PCDHGA3: variants seen among roughly 807,000 people sequenced by gnomAD.
PCDHGA3 encodes the protein protocadherin gamma subfamily A, 3.
Under a neutral mutation model 58.5 loss-of-function variants are expected in PCDHGA3, and 40 were observed. The ratio of observed to expected loss-of-function variants is 0.68; its 90% confidence interval spans 0.53 to 0.89. PCDHGA3 has a LOEUF of 0.89. Ranked by LOEUF, PCDHGA3 falls within the 40% of genes least tolerant of loss-of-function variation. PCDHGA3 has a pLI of 0.00. For missense variants in PCDHGA3, 1,223 were observed against 1,195.9 expected, an observed-to-expected ratio of 1.02 and a Z score of -0.33; for synonymous variants, 530 against 525.7, an observed-to-expected ratio of 1.01 and a Z score of -0.11.
At chr5:141,410,418 T>C (rs2095390746) in intron 1 of PCDHGA3, 26 of 1,614,052 alleles carry the variant, frequency 1.6e-5, no homozygotes, top group Non-Finnish European at 2.2e-5. Context: ...GGACCTGTAG[T>C]TCCCCCCAAC....
chr5:141,430,583 C>A, intron 1 of PCDHGA3: 1 of 490,378 alleles, frequency 2.0e-6, no homozygotes, highest in Non-Finnish European at 3.4e-6. Flanking sequence ...AGATCCTGCT[C>A]GCCTTGCACG....
rs915039012 is a variant in PCDHGA3 at position 141,372,538 on chromosome 5, T to A, written c.2424+26081T>A. The stretch of plus-strand genomic sequence containing the variant: ...GTGATTCTGGCAATCTCCCTGCGCC[T>A]GCGATGCTCCTCCAGACCCGCCACT... On this transcript the variant is annotated intron_variant, in intron 1 of 3. Coordinates refer to ENST00000253812, the MANE Select transcript of PCDHGA3 (RefSeq NM_018916.4). The A allele has an allele frequency of 1.9e-6, 3 of 1,613,928 alleles. No homozygotes were observed. The African/African-American group carries it at 4.0e-5, about 22-fold the overall frequency.
At chr5:141,419,182 C>T in intron 1 of PCDHGA3, 2 of 1,613,986 alleles carry the variant, frequency 1.2e-6, no homozygotes, top group Non-Finnish European at 1.7e-6. Context: ...TAACCCTGCA[C>T]ATTACTGACG....
At chr5:141,507,858 AC>A (rs2099864314) in intron 3 of PCDHGA3, among the ~76,000 whole-genome samples, 1 of 151,748 alleles carries the variant, frequency 6.6e-6, no homozygotes, top group African/African-American at 2.4e-5. Flanking sequence ...TCACTTTCAC[AC>A]CCGCTTCCTA....
intron 1 of PCDHGA3, chr5:141,392,318 C>T (rs1213951508): frequency 6.6e-6 from 1 of 152,062 alleles, no homozygotes; most frequent in Non-Finnish European, 1.5e-5. Context: ...TTTTTTAAGA[C>T]CAAATGTATT....
chr5:141,499,689 CTTTTTTTT>C (rs545067566), intron 2 of PCDHGA3, among the ~76,000 whole-genome samples: 2 of 119,856 alleles, frequency 1.7e-5, no homozygotes, highest in Non-Finnish European at 3.5e-5. Flanking sequence ...TAACAGATGA[CTTTTTTTT>C]TTTTTTTTTT....
intron 1 of PCDHGA3, among the ~76,000 whole-genome samples, chr5:141,482,799 C>T (rs933003208): frequency 6.6e-6 from 1 of 152,086 alleles, no homozygotes; most frequent in Non-Finnish European, 1.5e-5. Flanking sequence ...TGGCCGGGTA[C>T]GGTGGCTCAT....
intron 1 of PCDHGA3, chr5:141,376,920 C>T (rs527270477): frequency 5.8e-6 from 1 of 173,470 alleles, no homozygotes; most frequent in Admixed American, 5.6e-5. Flanking sequence ...ATCTCCTGAC[C>T]TCATGATCCA....
chr5:141,405,177 G>A, intron 1 of PCDHGA3: 3 of 1,614,140 alleles, frequency 1.9e-6, no homozygotes, highest in African/African-American at 1.3e-5. Flanking sequence ...CACTTTGTGG[G>A]TGTAGATGGG....
intron 1 of PCDHGA3, among the ~76,000 whole-genome samples, chr5:141,470,459 AT>A: frequency 6.6e-6 from 1 of 152,096 alleles, no homozygotes; most frequent in East Asian, 1.9e-4. Flanking sequence ...CTTGAATAGG[AT>A]TTTCTGATAT....
At chr5:141,371,513 T>C (rs1470036501) in intron 1 of PCDHGA3, 5 of 1,613,818 alleles carry the variant, frequency 3.1e-6, no homozygotes, top group Non-Finnish European at 4.2e-6. Flanking sequence ...AAACACATGA[T>C]CTAGATTCTG....
At chr5:141,395,034 G>A (rs772873954) in intron 1 of PCDHGA3, 21 of 1,614,032 alleles carry the variant, frequency 1.3e-5, no homozygotes, top group African/African-American at 5.3e-5. Context: ...CTCACATTTT[G>A]TGGGTGTTGA....
rs1561869034 is a variant in PCDHGA3 at position 141,433,357 on chromosome 5, G to GT, written c.2425-61450_2425-61449insT. On this transcript the variant is annotated intron_variant, in intron 1 of 3. Transcript: ENST00000253812. ...TACAGGTGCAAGCCACCTACTGTCT[G>GT]CCTATCTATCTATCTATCTATCTAT... 125 of 569,056 alleles carry GT rather than the reference G, an allele frequency of 2.2e-4. No homozygotes were observed. In the African/African-American group the frequency reaches 2.4e-3, roughly 11 times the overall value. The allele number at this position is 569,056 out of a possible 1,614,324, so 35.3% of individuals were successfully genotyped here. A position where few individuals can be genotyped will look rare whatever the true frequency, so the allele number is the denominator to read the frequency against.
intron 1 of PCDHGA3, among the ~76,000 whole-genome samples, chr5:141,353,332 AAAGTTC>A (rs1759249277): frequency 1.3e-5 from 2 of 152,336 alleles, no homozygotes; most frequent in African/African-American, 4.8e-5. Context: ...CACCCAAGTT[AAAGTTC>A]ATCAATTACA....
chr5:141,380,369 A>G (rs1776432009), intron 1 of PCDHGA3, among the ~76,000 whole-genome samples: 1 of 152,238 alleles, frequency 6.6e-6, no homozygotes, highest in Non-Finnish European at 1.5e-5. Context: ...TAGAAAAAAA[A>G]GTCCCAAAAA....
chr5:141,485,734 C>T lies in PCDHGA3; in HGVS notation c.2425-9073C>T. ...CACTGGATGTGAAGAAGCGCAGCGACGGCAGCCTGGTCCCAGAGCTGCTCC... is the reference window on the plus strand; with the variant it reads ...CACTGGATGTGAAGAAGCGCAGCGATGGCAGCCTGGTCCCAGAGCTGCTCC... On this transcript the variant is annotated intron_variant, in intron 1 of 3. Transcript: ENST00000253812. This position sits in a 1 kb window ranked among gnomAD's most constrained non-coding sequence, Gnocchi z 5.7. The T allele has an allele frequency of 6.2e-7, 1 of 1,614,210 alleles. No individual in the cohort carries two copies. The highest frequency in any genetic ancestry group is 8.5e-7 in the Non-Finnish European group (1 of 1,180,028).
chr5:141,394,361 G>A (rs2092984834), intron 1 of PCDHGA3: 15 of 1,614,072 alleles, frequency 9.3e-6, no homozygotes, highest in Non-Finnish European at 1.2e-5. Context: ...TCCTGTATGC[G>A]CTGCAATCTT....
chr5:141,441,633 C>T, intron 1 of PCDHGA3: 1 of 226,756 alleles, frequency 4.4e-6, no homozygotes, highest in Non-Finnish European at 8.9e-6. Flanking sequence ...CCTGGAGCCA[C>T]AGGCGCTGTG....
chr5:141,429,264 A>T (rs1029363907), intron 1 of PCDHGA3: 1 of 151,938 alleles, frequency 6.6e-6, no homozygotes, highest in Non-Finnish European at 1.5e-5. Flanking sequence ...TGAGGAATAA[A>T]TTTTTTTCCT....
Sources: gnomAD v4.1 joint callset for allele counts (sites outside exome capture counted in the v4.1 genomes callset) on GRCh38, gnomAD v4.1.1 for gene constraint, Gnocchi (gnomAD v3.1) non-coding constraint, MANE v1.5 for transcripts, NCBI Gene and HGNC (gene_info 2026-07-23, HGNC 2026-07-21) for gene names.